Variants in SARDH observed in about 807,000 individuals in gnomAD.
SARDH encodes sarcosine dehydrogenase, mitochondrial.
In SARDH, 95 loss-of-function variants were observed where a neutral mutation model predicts 109.1. The ratio of observed to expected loss-of-function variants is 0.87; its 90% CI spans 0.74 to 1.03. SARDH has a LOEUF of 1.03. Among genes scored for constraint, SARDH ranks in the 50% least tolerant of loss-of-function variants. The pLI is 0.00. For synonymous variants in SARDH, 572 were observed against 534.8 expected, an observed-to-expected ratio of 1.07 and a Z score of -0.96; for missense variants, 1,267 against 1,287.8, an observed-to-expected ratio of 0.98 and a Z score of 0.25.
At chr9:133,687,333 C>T (rs540265795) in intron 16 of SARDH, among the ~76,000 whole-genome samples, 13 of 152,344 alleles carry the variant, frequency 8.5e-5, no homozygotes, top group African/African-American at 3.1e-4. Context: ...TGCAGTGGCA[C>T]AATCACAGCT....
intron 17 of SARDH, among the ~76,000 whole-genome samples, chr9:133,677,110 G>A (rs983561126): frequency 1.3e-5 from 2 of 152,198 alleles, no homozygotes; most frequent in Non-Finnish European, 2.9e-5. Flanking sequence ...CTGCACTCCA[G>A]CCTGGGCAAC....
At chr9:133,702,460 T>C (rs1400260592) in intron 13 of SARDH, among the ~76,000 whole-genome samples, 3 of 152,200 alleles carry the variant, frequency 2.0e-5, no homozygotes, top group South Asian at 2.1e-4. Flanking sequence ...GCTTGTCCCT[T>C]GGAGGGGCCC....
At position 133,729,061 on chromosome 9, in the gene SARDH, G is replaced by A. The variant is rs146924300; in HGVS notation, c.915+704C>T. Among the ~76,000 whole-genome samples the A allele has an allele frequency of 8.8e-3, 1,337 of 151,468 alleles. 19 individuals are homozygous for A. Among genetic ancestry groups the A allele is most frequent in the African/African-American group, 0.03 (1,246 of 41,216 alleles). ...ATGGATGAAGGGAAGGGGGATGGGT[G>A]GAGGGATGAAGGAATAAATGGGAGA... On this transcript the variant is annotated intron_variant, in intron 6 of 20. Transcript: ENST00000439388.
At chr9:133,694,494 C>T in intron 14 of SARDH, 123 bp from the exon 15 acceptor site, 1 of 808,792 alleles carries the variant, frequency 1.2e-6, no homozygotes, top group Non-Finnish European at 2.1e-6. Flanking sequence ...AACCCCCAGA[C>T]AGGATGCCCT....
chr9:133,659,923 T>C (rs1049551046), downstream of SARDH, among the ~76,000 whole-genome samples: 11 of 151,960 alleles, frequency 7.2e-5, no homozygotes, highest in African/African-American at 2.7e-4. Context: ...CCCAAACACC[T>C]GGGGGGCACT....
At position 133,704,519 on chromosome 9, in the gene SARDH, C is replaced by G. The variant is rs1391226696; in HGVS notation, c.1554+429G>C. 6.6e-6 allele frequency among the ~76,000 whole-genome samples: 1 copy of G among 152,184 alleles called. No homozygotes were observed. On this transcript the variant is annotated intron_variant, in intron 12 of 20. Transcript: ENST00000439388. This position sits in a 1 kb window ranked among gnomAD's most constrained non-coding sequence, Gnocchi z 4.5. ...AAACTGAGCACCCTGGGTGCATCAACCTGCCCAGTGCCTGCCCTCCTACGG... is the reference window on the plus strand; with the variant it reads ...AAACTGAGCACCCTGGGTGCATCAAGCTGCCCAGTGCCTGCCCTCCTACGG...
chr9:133,734,329 G>GCATT, intron 1 of SARDH, 126 bp from the exon 2 acceptor site: 2 of 454,336 alleles, frequency 4.4e-6, no homozygotes, highest in Non-Finnish European at 7.2e-6. Context: ...CTTCCCCATG[G>GCATT]CATTCATTCA....
Position 133,734,122 on chromosome 9 carries a change from T to C in SARDH, c.52A>G (p.Ser18Gly). 6.2e-7 allele frequency: 1 copy of C among 1,610,714 alleles called. No homozygotes were observed. Among genetic ancestry groups the C allele is most frequent in the Non-Finnish European group, 8.5e-7 (1 of 1,178,988 alleles). ...LRVAAAHPRQSPTRGMGPCNL... is the reference protein window; with the variant it reads ...LRVAAAHPRQGPTRGMGPCNL... The stretch of plus-strand genomic sequence containing the variant: ...CATGGCCCCATGCCCCGGGTAGGGC[T>C]CTGGCGAGGGTGGGCAGCAGCCACA... Residue 18 changes from serine (S) to glycine (G), a missense_variant, in exon 2 of 21, where the codon AGC (serine) becomes GGC (glycine). Transcript: ENST00000439388.
At chr9:133,714,091 T>C (rs911207970) in intron 8 of SARDH, among the ~76,000 whole-genome samples, 2 of 152,182 alleles carry the variant, frequency 1.3e-5, no homozygotes, top group Non-Finnish European at 2.9e-5. Flanking sequence ...AGACTCTAGA[T>C]GAGGAAGCGG....
Position 133,693,077 on chromosome 9 carries a change from T to A in SARDH, c.1921+1181A>T, listed in dbSNP as rs1423164211. On this transcript the variant is annotated intron_variant, in intron 15 of 20. Coordinates refer to ENST00000439388, the MANE Select transcript of SARDH (RefSeq NM_001134707.2). This position sits in a 1 kb window ranked among gnomAD's most constrained non-coding sequence, Gnocchi z 5.6. ...TGTCTTCCCACCCTGGCCCCCAATA[T>A]CCCACCCCCTCCGGTCTTCATTTTT... Among the ~76,000 whole-genome samples the A allele has an allele frequency of 6.8e-6, 1 of 146,254 alleles. No individual in the cohort carries two copies. Among genetic ancestry groups the A allele is most frequent in the Non-Finnish European group, 1.5e-5 (1 of 66,470 alleles).
chr9:133,707,515 G>A (rs1056889288), intron 11 of SARDH, among the ~76,000 whole-genome samples: 58 of 152,302 alleles, frequency 3.8e-4, no homozygotes, highest in African/African-American at 1.3e-3. Context: ...CTTGGGGCCA[G>A]ACACTGGAAT....
downstream of SARDH, among the ~76,000 whole-genome samples, chr9:133,661,818 T>A (rs1473789203): frequency 6.6e-6 from 1 of 152,204 alleles, no homozygotes; most frequent in East Asian, 1.9e-4. Flanking sequence ...TCAGAATTCC[T>A]GAGAGGCAGT....
intron 8 of SARDH, among the ~76,000 whole-genome samples, chr9:133,716,202 C>G (rs1274554681): frequency 6.6e-6 from 1 of 152,232 alleles, no homozygotes; most frequent in African/African-American, 2.4e-5. Flanking sequence ...TGCCTCGTGT[C>G]AGAGCACCCA....
At chr9:133,710,270 A>C (rs1194812660) in intron 10 of SARDH, among the ~76,000 whole-genome samples, 1 of 152,250 alleles carries the variant, frequency 6.6e-6, no homozygotes, top group Non-Finnish European at 1.5e-5. Context: ...GGCTCAGAGA[A>C]CAGGAGCGAC....
At position 133,709,413 on chromosome 9, in the gene SARDH, G is replaced by T. The variant is rs1194929643; in HGVS notation, c.1329-985C>A. Reference sequence around the variant, plus strand: ...CCAGCTGCATCAGGGCCCTGCAGCCGCCTCCCACGCACAAACCTCCCTGTC... The same window carrying T: ...CCAGCTGCATCAGGGCCCTGCAGCCTCCTCCCACGCACAAACCTCCCTGTC... On this transcript the variant is annotated intron_variant, in intron 10 of 20. Transcript: ENST00000439388. This position sits in a 1 kb window ranked among gnomAD's most constrained non-coding sequence, Gnocchi z 4.2. Among the ~76,000 whole-genome samples, 1 of 152,028 alleles carries T rather than the reference G, an allele frequency of 6.6e-6. No individual in the cohort carries two copies. The highest frequency in any genetic ancestry group is 1.5e-5 in the Non-Finnish European group (1 of 68,000).
At chr9:133,678,717 G>A (rs1830599107) in intron 17 of SARDH, among the ~76,000 whole-genome samples, 1 of 152,142 alleles carries the variant, frequency 6.6e-6, no homozygotes, top group South Asian at 2.1e-4. Context: ...TCCAACACCT[G>A]TCCACACGGC....
Position 133,670,776 on chromosome 9 carries a change from T to C in SARDH, c.2327-24A>G, listed in dbSNP as rs200530084. On this transcript the variant is annotated intron_variant, in intron 18 of 20. Transcript: ENST00000439388. ...GCCTGTGGGAAGGGAATCCATGGGG[T>C]CGGTGCCACCCTGAGGGGGATAAGC... 221 of 1,549,420 alleles carry C rather than the reference T, an allele frequency of 1.4e-4. No homozygotes were observed. In the African/African-American group the frequency reaches 2.9e-3, roughly 20 times the overall value.
rs972272742 is a variant in SARDH, at chr9:133,728,889, T to G, written c.915+876A>C. Among the ~76,000 whole-genome samples, 1 of 151,086 alleles carries G rather than the reference T, an allele frequency of 6.6e-6. No individual in the cohort carries two copies. Among genetic ancestry groups the G allele is most frequent in the African/African-American group, 2.4e-5 (1 of 40,994 alleles). On this transcript the variant is annotated intron_variant, in intron 6 of 20. Coordinates refer to ENST00000439388, the MANE Select transcript of SARDH (RefSeq NM_001134707.2). The surrounding 1 kb of genome is among the most constrained non-coding windows in gnomAD (Gnocchi z 5.0). The stretch of plus-strand genomic sequence containing the variant: ...ATTGATGGGTAGAAGTTTAGGTGGG[T>G]GGGTGGATGGAAGGATATATGAAAG...
At chr9:133,715,926 T>G (rs375718751) in intron 8 of SARDH, among the ~76,000 whole-genome samples, 1 of 152,222 alleles carries the variant, frequency 6.6e-6, no homozygotes, top group South Asian at 2.1e-4. Flanking sequence ...GAAGTTTCCC[T>G]GGGGGCAACA....
Sources: gnomAD v4.1 joint callset for allele counts (sites outside exome capture counted in the v4.1 genomes callset) on GRCh38, gnomAD v4.1.1 for gene constraint, Gnocchi (gnomAD v3.1) non-coding constraint, MANE v1.5 for transcripts, NCBI Gene and HGNC (gene_info 2026-07-23, HGNC 2026-07-21) for gene names.